Variants in TMBIM4 observed in about 807,000 individuals in gnomAD.
TMBIM4 encodes the protein transmembrane BAX inhibitor motif containing 4.
In TMBIM4, 28 loss-of-function variants were observed where a neutral mutation model predicts 27.7. That is an observed-to-expected ratio of 1.01 (90% CI 0.75 to 1.38). The LOEUF (loss-of-function observed/expected upper bound fraction) is 1.38. Ranked by LOEUF, TMBIM4 falls within the 40% of genes most tolerant of loss-of-function variation. TMBIM4 has a pLI of 0.00. For synonymous variants in TMBIM4, 115 were observed against 113.1 expected (o/e 1.02, Z -0.11); for missense variants, 265 against 277.5 (o/e 0.95, Z 0.32).
chr12:66,169,436 A>G, intron 1 of TMBIM4: 1 of 524,548 alleles, frequency 1.9e-6, no homozygotes, highest in African/African-American at 2.0e-5. Context: ...GAAACCCCAC[A>G]GAACAAAAAC....
At chr12:66,149,887 TACAC>T (rs10587672) in intron 3 of TMBIM4, among the ~76,000 whole-genome samples, 1 of 151,080 alleles carries the variant, frequency 6.6e-6, no homozygotes, top group Non-Finnish European at 1.5e-5. Flanking sequence ...TGTGCATGCA[TACAC>T]ACACACACAC....
At chr12:66,165,713 C>A (rs189569995) in intron 1 of TMBIM4, among the ~76,000 whole-genome samples, 1 of 152,238 alleles carries the variant, frequency 6.6e-6, no homozygotes, top group Admixed American at 6.5e-5. Flanking sequence ...ATATCTTTTG[C>A]AAATATTTTC....
intron 1 of TMBIM4, among the ~76,000 whole-genome samples, chr12:66,166,464 C>CAAAAAAAAAAAA (rs59822799): frequency 3.9e-4 from 39 of 100,388 alleles, no homozygotes; most frequent in South Asian, 5.9e-4. Flanking sequence ...TACTTTGTCT[C>CAAAAAAAAAAAA]AAAAAAAAAA....
intron 5 of TMBIM4, among the ~76,000 whole-genome samples, chr12:66,144,988 G>A (rs529840500): frequency 1.3e-5 from 2 of 152,246 alleles, no homozygotes; most frequent in African/African-American, 4.8e-5. Context: ...AGAAGAGGAA[G>A]TAGAACAAAA....
rs1188724406 is a variant in TMBIM4 at position 66,145,989 on chromosome 12, T to C, written c.347-31A>G. On this transcript the variant is annotated intron_variant, in intron 4 of 6. Coordinates refer to ENST00000358230, the MANE Select transcript of TMBIM4 (RefSeq NM_016056.4). The stretch of plus-strand genomic sequence containing the variant: ...AAATTAAAACACTGATTAACATGCA[T>C]ATAAACATGCTCAATACAAAACAGC... The C allele has an allele frequency of 4.2e-6, 5 of 1,192,108 alleles. No individual in the cohort carries two copies. The East Asian group carries it at 7.0e-5, about 17-fold the overall frequency. The allele number at this position is 1,192,108 out of a possible 1,614,324, so 73.8% of individuals were successfully genotyped here.
At chr12:66,167,134 G>C (rs115320629) in intron 1 of TMBIM4, among the ~76,000 whole-genome samples, 1 of 152,310 alleles carries the variant, frequency 6.6e-6, no homozygotes, top group African/African-American at 2.4e-5. Flanking sequence ...AACAGGCAGA[G>C]CACAGAGGAA....
At chr12:66,143,413 G>A (rs982429694) in intron 5 of TMBIM4, among the ~76,000 whole-genome samples, 1 of 152,120 alleles carries the variant, frequency 6.6e-6, no homozygotes, top group Non-Finnish European at 1.5e-5. Context: ...TTCTAGGAAA[G>A]AAAATGAGCC....
Position 66,137,826 on chromosome 12 carries a change from TA to T in TMBIM4, c.*133del. On this transcript the variant is annotated 3_prime_UTR_variant, in exon 7 of 7. Transcript: ENST00000358230. Reference sequence around the variant, plus strand: ...TTACATATGATACAAATAAAGATTGTAACAGTATTTAATCATTGTTTCAAAC... The same window carrying T: ...TTACATATGATACAAATAAAGATTGTACAGTATTTAATCATTGTTTCAAAC... The T allele has an allele frequency of 1.5e-6, 1 of 646,910 alleles. No homozygotes were observed. Among genetic ancestry groups the T allele is most frequent in the Non-Finnish European group, 2.6e-6 (1 of 386,100 alleles). 40.1% of individuals were successfully genotyped at this position (646,910 alleles called of 1,614,324 possible).
Position 66,138,843 on chromosome 12 carries a change from T to C in TMBIM4, c.465-74A>G, listed in dbSNP as rs1412879282. The C allele has an allele frequency of 2.9e-6, 4 of 1,370,780 alleles. 1 individual carries two copies. In the African/African-American group the frequency reaches 4.5e-5, roughly 15 times the overall value. 84.9% of individuals were successfully genotyped at this position (1,370,780 alleles called of 1,614,324 possible). A position where few individuals can be genotyped will look rare whatever the true frequency, so the allele number is the denominator to read the frequency against. ...AACTTTGTAAACCCATTCAACACTT[T>C]CTGAAAAAAACATCCATCTGGATTT... On this transcript the variant is annotated intron_variant, in intron 5 of 6. Transcript: ENST00000358230.
At chr12:66,157,373 G>A (rs1373343896) in intron 1 of TMBIM4, among the ~76,000 whole-genome samples, 1 of 152,128 alleles carries the variant, frequency 6.6e-6, no homozygotes. Flanking sequence ...TTCACCCCCA[G>A]TCAAGCCTCC....
At chr12:66,148,666 C>T (rs940246697) in intron 3 of TMBIM4, among the ~76,000 whole-genome samples, 19 of 152,200 alleles carry the variant, frequency 1.2e-4, no homozygotes, top group African/African-American at 3.6e-4. Context: ...AATGCCTGGA[C>T]CTTAGCAGAA....
In TMBIM4 at chr12:66,138,024, T is replaced by C; in HGVS notation, c.653A>G (p.Tyr218Cys). The C allele has an allele frequency of 6.2e-7, 1 of 1,614,074 alleles. No homozygotes were observed. The highest frequency in any genetic ancestry group is 1.1e-5 in the South Asian group (1 of 91,084). The change falls in exon 7 of 7, where the codon TAC (tyrosine) becomes TGC (cysteine). Residue 218 changes from tyrosine to cysteine, a missense_variant. Tyr to Cys is a radical substitution (Grantham distance 194). Transcript: ENST00000358230. ...EEYVLAAISL[Y>C]LDIINLFLHL... The stretch of plus-strand genomic sequence containing the variant: ...CAGGAATAGATTGATGATATCCAAG[T>C]AGAGGCTGATGGCAGCTAATACGTA...
At chr12:66,166,459 T>C (rs911329769) in intron 1 of TMBIM4, among the ~76,000 whole-genome samples, 4 of 118,540 alleles carry the variant, frequency 3.4e-5, no homozygotes, top group African/African-American at 1.4e-4. Context: ...AGTGATACTT[T>C]GTCTCAAAAA....
chr12:66,169,080 T>C (rs775110275), intron 1 of TMBIM4: 4 of 473,318 alleles, frequency 8.5e-6, no homozygotes, highest in Non-Finnish European at 1.5e-5. Flanking sequence ...GCACTAAGAT[T>C]CTTAGCACAT....
At chr12:66,161,292 G>C (rs1260915032) in intron 1 of TMBIM4, 1 of 152,546 alleles carries the variant, frequency 6.6e-6, no homozygotes, top group Non-Finnish European at 1.5e-5. Flanking sequence ...CCAGGGTGGA[G>C]TGCAGTGGCG....
intron 1 of TMBIM4, among the ~76,000 whole-genome samples, chr12:66,160,616 CAAGT>C (rs540699984): frequency 6.3e-4 from 96 of 152,214 alleles, no homozygotes; most frequent in South Asian, 1.2e-3. Flanking sequence ...TAAAAGTGCT[CAAGT>C]AAGAGACTAT....
rs1225908373 is a variant in TMBIM4, at chr12:66,153,457, G to A, written c.98-9C>T. The A allele has an allele frequency of 2.1e-6, 3 of 1,452,666 alleles. No homozygotes were observed. Among genetic ancestry groups the A allele is most frequent in the Admixed American group, 2.3e-5 (1 of 44,322 alleles). 90.0% of individuals were successfully genotyped at this position (1,452,666 alleles called of 1,614,324 possible). A position where few individuals can be genotyped will look rare whatever the true frequency, so the allele number is the denominator to read the frequency against. On this transcript the variant is annotated splice_polypyrimidine_tract_variant and intron_variant, in intron 1 of 6. Transcript: ENST00000358230. ...GACTTTTCTCAGAAAGGCTAAAAGA[G>A]AAAAAAAATTACATTACTATTTTCT...
At position 66,145,840 on chromosome 12, in the gene TMBIM4, C is replaced by T; in HGVS notation, c.464+1G>A. The T allele has an allele frequency of 6.5e-7, 1 of 1,541,658 alleles. No homozygotes were observed. Among genetic ancestry groups the T allele is most frequent in the Non-Finnish European group, 8.9e-7 (1 of 1,120,086 alleles). ...TATATCCAAGAATATATACAACTTA[C>T]CCTGCTCCAAATTTGCTGAAATCCT... is the stretch of plus-strand genomic sequence containing the variant. On this transcript the variant is annotated splice_donor_variant, in intron 5 of 6. Transcript: ENST00000358230. LOFTEE classifies it high-confidence loss of function.
intron 1 of TMBIM4, among the ~76,000 whole-genome samples, chr12:66,165,832 T>C (rs976556766): frequency 3.3e-5 from 5 of 152,218 alleles, no homozygotes; most frequent in Non-Finnish European, 7.4e-5. Context: ...ATTAGCCTCT[T>C]ACAGGATATA....
Sources: gnomAD v4.1 joint callset for allele counts (sites outside exome capture counted in the v4.1 genomes callset) on GRCh38, gnomAD v4.1.1 for gene constraint, MANE v1.5 for transcripts, NCBI Gene and HGNC (gene_info 2026-07-23, HGNC 2026-07-21) for gene names.